FDFT1: variants seen among roughly 807,000 people sequenced by gnomAD.
FDFT1 encodes farnesyl-diphosphate farnesyltransferase 1.
A neutral mutation model predicts 46.8 loss-of-function variants in FDFT1; 68 were observed. The ratio of observed to expected loss-of-function variants is 1.45; its 90% CI spans 1.19 to 1.78. The LOEUF (loss-of-function observed/expected upper bound fraction) is 1.78. Among genes scored for constraint, FDFT1 ranks in the 40% most tolerant of loss-of-function variants. The pLI, the probability that FDFT1 is intolerant of heterozygous loss-of-function variation, is 0.00. For missense variants in FDFT1, 928 were observed against 524.4 expected (o/e 1.77, Z -7.52); for synonymous variants, 351 against 185.1 (o/e 1.90, Z -7.28).
chr8:11,832,243 T>C (rs1001329012), intron 7 of FDFT1, among the ~76,000 whole-genome samples: 12 of 145,570 alleles, frequency 8.2e-5, no homozygotes, highest in Non-Finnish European at 1.4e-4. Flanking sequence ...AAATCTCTAA[T>C]ATTTGACTAG....
At chr8:11,801,386 C>A (rs560660241), upstream of FDFT1, among the ~76,000 whole-genome samples, 4 of 152,220 alleles carry the variant, frequency 2.6e-5, no homozygotes, top group South Asian at 8.3e-4. Flanking sequence ...ATAGCGCGAT[C>A]TCAGCTCACT....
intron 3 of FDFT1, among the ~76,000 whole-genome samples, chr8:11,817,292 C>A (rs763083786): frequency 1.3e-5 from 2 of 152,098 alleles, no homozygotes; most frequent in African/African-American, 4.8e-5. Flanking sequence ...AGAGGATTTT[C>A]GCATCAACGT....
chr8:11,808,086 T>C lies in FDFT1; in HGVS notation c.100-708T>C, dbSNP rs1372677940. The C allele has an allele frequency of 1.5e-5, 3 of 203,770 alleles. No individual in the cohort carries two copies. The East Asian group carries it at 5.4e-4, about 37-fold the overall frequency. The allele number at this position is 203,770 out of a possible 1,614,324, so 12.6% of individuals were successfully genotyped here. On this transcript the variant is annotated intron_variant, in intron 1 of 7. Coordinates refer to ENST00000220584, the MANE Select transcript of FDFT1 (RefSeq NM_004462.5). Reference sequence around the variant, plus strand: ...GGGATGTGGAACCTAATCGGCTGTCTAGGGTGATCAGATACTGAAGTTGGG... The same window carrying C: ...GGGATGTGGAACCTAATCGGCTGTCCAGGGTGATCAGATACTGAAGTTGGG...
At chr8:11,807,290 A>G (rs551999052) in intron 1 of FDFT1, among the ~76,000 whole-genome samples, 30 of 152,300 alleles carry the variant, frequency 2.0e-4, no homozygotes, top group African/African-American at 6.7e-4. Flanking sequence ...TAGCTAGACT[A>G]TAGGTGGGCG....
At chr8:11,799,667 G>C (rs1260747148), upstream of FDFT1, among the ~76,000 whole-genome samples, 1 of 152,254 alleles carries the variant, frequency 6.6e-6, no homozygotes, top group Non-Finnish European at 1.5e-5. Context: ...GCACTTGTAG[G>C]CTGGGAGCCG....
chr8:11,823,969 C>G (rs1461961707), intron 4 of FDFT1, among the ~76,000 whole-genome samples: 1 of 152,064 alleles, frequency 6.6e-6, no homozygotes, highest in Admixed American at 6.6e-5. Flanking sequence ...TGGTCTTGAG[C>G]TCCTGGGCTC....
intron 7 of FDFT1, among the ~76,000 whole-genome samples, chr8:11,838,153 A>T (rs1392986679): frequency 6.6e-6 from 1 of 152,184 alleles, no homozygotes; most frequent in Non-Finnish European, 1.5e-5. Context: ...TGGGTGCAGT[A>T]TGCACACCTG....
intron 3 of FDFT1, among the ~76,000 whole-genome samples, chr8:11,815,748 C>G (rs912673608): frequency 6.6e-6 from 1 of 151,954 alleles, no homozygotes; most frequent in Non-Finnish European, 1.5e-5. Flanking sequence ...TTTTTAAGTT[C>G]TTTGTAGATT....
intron 3 of FDFT1, among the ~76,000 whole-genome samples, chr8:11,817,713 C>A (rs1460088805): frequency 6.6e-6 from 1 of 152,074 alleles, no homozygotes; most frequent in African/African-American, 2.4e-5. Flanking sequence ...GTGGTGATAT[C>A]CCCTTTATCA....
At chr8:11,804,743 A>C (rs1454168289) in intron 1 of FDFT1, among the ~76,000 whole-genome samples, 1 of 150,592 alleles carries the variant, frequency 6.6e-6, no homozygotes, top group Non-Finnish European at 1.5e-5. Context: ...AGTAGCTGGG[A>C]TTACAGGCAC....
chr8:11,817,382 A>G (rs1808606842), intron 3 of FDFT1, among the ~76,000 whole-genome samples: 1 of 151,290 alleles, frequency 6.6e-6, no homozygotes, highest in Non-Finnish European at 1.5e-5. Flanking sequence ...TGCTGGCCTC[A>G]TAAAATGAGT....
intron 7 of FDFT1, among the ~76,000 whole-genome samples, chr8:11,837,882 G>T (rs1267443619): frequency 1.3e-5 from 2 of 152,162 alleles, no homozygotes; most frequent in African/African-American, 4.8e-5. Flanking sequence ...GAGGAGTGGG[G>T]AGGGAGGCAC....
At chr8:11,814,605 C>G (rs1195164327) in intron 3 of FDFT1, among the ~76,000 whole-genome samples, 1 of 152,090 alleles carries the variant, frequency 6.6e-6, no homozygotes, top group Non-Finnish European at 1.5e-5. Context: ...ATAAACAATT[C>G]TTTGAACTTA....
chr8:11,802,156 G>C (rs1012171053), upstream of FDFT1: 2 of 449,996 alleles, frequency 4.4e-6, no homozygotes, highest in Admixed American at 2.4e-5. Flanking sequence ...GGGGCTCCCT[G>C]GGGCTGGATG....
intron 4 of FDFT1, among the ~76,000 whole-genome samples, chr8:11,823,299 T>G (rs1180090338): frequency 6.6e-6 from 1 of 152,208 alleles, no homozygotes; most frequent in Non-Finnish European, 1.5e-5. Flanking sequence ...ATGAATTATA[T>G]AAGTCTCCAT....
Position 11,832,937 on chromosome 8 carries a change from T to G in FDFT1, c.1032+1267T>G, listed in dbSNP as rs566598631. On this transcript the variant is annotated intron_variant, in intron 7 of 7. Coordinates refer to ENST00000220584, the MANE Select transcript of FDFT1 (RefSeq NM_004462.5). Reference sequence around the variant, plus strand: ...TGTTACGCGTTTACAGGAATATGGTTTGCAACAGTGTTTTCATCTAAATAG... The same window carrying G: ...TGTTACGCGTTTACAGGAATATGGTGTGCAACAGTGTTTTCATCTAAATAG... Among the ~76,000 whole-genome samples, 32 of 152,316 alleles carry G rather than the reference T, an allele frequency of 2.1e-4. 1 individual carries two copies. The highest frequency in any genetic ancestry group is 7.7e-4 in the African/African-American group (32 of 41,570).
At chr8:11,817,493 C>T (rs1195573567) in intron 3 of FDFT1, among the ~76,000 whole-genome samples, 11 of 152,154 alleles carry the variant, frequency 7.2e-5, no homozygotes, top group Admixed American at 7.2e-4. Flanking sequence ...TCTGTCTGTT[C>T]CTGGACTTTC....
intron 5 of FDFT1, among the ~76,000 whole-genome samples, chr8:11,827,161 C>G (rs1421375756): frequency 6.6e-6 from 1 of 152,048 alleles, no homozygotes; most frequent in Non-Finnish European, 1.5e-5. Context: ...TTTCCTGCAG[C>G]CAAGTACTTT....
intron 5 of FDFT1, among the ~76,000 whole-genome samples, chr8:11,827,221 A>G (rs1241798612): frequency 2.0e-5 from 3 of 152,048 alleles, no homozygotes; most frequent in African/African-American, 7.2e-5. Context: ...CATACTTATA[A>G]TCCCAGTGCT....
Sources: gnomAD v4.1 joint callset for allele counts (sites outside exome capture counted in the v4.1 genomes callset) on GRCh38, gnomAD v4.1.1 for gene constraint, MANE v1.5 for transcripts, NCBI Gene and HGNC (gene_info 2026-07-23, HGNC 2026-07-21) for gene names.